SLIT2: variants seen among roughly 807,000 people sequenced by gnomAD.
SLIT2 encodes slit guidance ligand 2, also known as slit homolog 2 protein.
Under a neutral mutation model 185.7 loss-of-function variants are expected in SLIT2, and 41 were observed. The ratio of observed to expected loss-of-function variants is 0.22; its 90% CI spans 0.17 to 0.29. The LOEUF (loss-of-function observed/expected upper bound fraction) is 0.29. Ranked by LOEUF, SLIT2 falls within the 10% of genes least tolerant of loss-of-function variation. SLIT2 has a pLI of 1.00. For synonymous variants in SLIT2, 693 were observed against 680.2 expected, an observed-to-expected ratio of 1.02 and a Z score of -0.29; for missense variants, 1,571 against 1,909.0, an observed-to-expected ratio of 0.82 and a Z score of 3.30.
At chr4:20,282,636 G>C (rs1714885722) in intron 4 of SLIT2, among the ~76,000 whole-genome samples, 1 of 152,226 alleles carries the variant, frequency 6.6e-6, no homozygotes, top group Non-Finnish European at 1.5e-5. Flanking sequence ...CATATCACCT[G>C]TGGTGGCTAC....
intron 4 of SLIT2, among the ~76,000 whole-genome samples, chr4:20,463,875 CA>C (rs555271635): frequency 0.041 from 4,341 of 106,388 alleles, 65 homozygotes; most frequent in African/African-American, 0.064. Flanking sequence ...GACTTTGTCT[CA>C]AAAAAAAAAA....
intron 4 of SLIT2, among the ~76,000 whole-genome samples, chr4:20,419,298 T>C (rs1727968178): frequency 6.6e-6 from 1 of 152,178 alleles, no homozygotes; most frequent in South Asian, 2.1e-4. Context: ...TTTAAATTAT[T>C]TTAATAAAAA....
At chr4:20,410,958 A>G (rs938989320) in intron 4 of SLIT2, among the ~76,000 whole-genome samples, 1 of 152,140 alleles carries the variant, frequency 6.6e-6, no homozygotes, top group Admixed American at 6.6e-5. Context: ...AAGAATGTCA[A>G]TGGTAGTTTA....
chr4:20,512,598 G>A (rs991542530), intron 11 of SLIT2, among the ~76,000 whole-genome samples: 3 of 152,148 alleles, frequency 2.0e-5, no homozygotes, highest in African/African-American at 7.2e-5. Context: ...TAGGTTCAGT[G>A]TAAAACTCAG....
rs182090111 is a variant in SLIT2, at chr4:20,358,774, A to G, written c.395+89893A>G. ...TTAACTTTCTAATTAATGTGAAAAA[A>G]AGACAGTATTTCTGATAGCATATAC... On this transcript the variant is annotated intron_variant, in intron 4 of 36. Transcript: ENST00000504154. 7.0e-4 allele frequency among the ~76,000 whole-genome samples: 106 copies of G among 152,266 alleles called. No individual in the cohort carries two copies. In the Middle Eastern group the frequency reaches 0.01, roughly 15 times the overall value.
chr4:20,402,636 A>G (rs1034380539), intron 4 of SLIT2, among the ~76,000 whole-genome samples: 6 of 151,880 alleles, frequency 4.0e-5, no homozygotes, highest in African/African-American at 1.4e-4. Flanking sequence ...TAACATGTGC[A>G]TTACCCAACT....
chr4:20,486,402 A>G, intron 7 of SLIT2, 131 bp downstream of exon 7: 1 of 597,522 alleles, frequency 1.7e-6, no homozygotes, highest in Non-Finnish European at 3.0e-6. Flanking sequence ...TTTGGAAAAG[A>G]CTAGATATGA....
chr4:20,401,364 A>G (rs1726346679), intron 4 of SLIT2, among the ~76,000 whole-genome samples: 1 of 151,926 alleles, frequency 6.6e-6, no homozygotes, highest in Non-Finnish European at 1.5e-5. Flanking sequence ...CCTCCAAAGC[A>G]AGAGCCAGTT....
chr4:20,378,467 A>G (rs554922547), intron 4 of SLIT2, among the ~76,000 whole-genome samples: 31 of 152,268 alleles, frequency 2.0e-4, no homozygotes, highest in African/African-American at 7.5e-4. Flanking sequence ...AGGATTACTC[A>G]TGGAGTTTCA....
At chr4:20,322,146 C>CT (rs1189660063) in intron 4 of SLIT2, among the ~76,000 whole-genome samples, 1 of 152,160 alleles carries the variant, frequency 6.6e-6, no homozygotes, top group Non-Finnish European at 1.5e-5. Context: ...CCAGAACCTC[C>CT]ATTTCATATG....
chr4:20,562,588 A>G (rs1448290786), intron 26 of SLIT2, among the ~76,000 whole-genome samples: 2 of 151,714 alleles, frequency 1.3e-5, no homozygotes, highest in Admixed American at 6.6e-5. Context: ...CAGGCATTTC[A>G]CTTGTCTTTG....
chr4:20,404,656 T>C (rs560108648), intron 4 of SLIT2, among the ~76,000 whole-genome samples: 1 of 152,124 alleles, frequency 6.6e-6, no homozygotes, highest in South Asian at 2.1e-4. Flanking sequence ...CAAGGGGAAA[T>C]CTTGCCCAGA....
intron 4 of SLIT2, among the ~76,000 whole-genome samples, chr4:20,454,645 G>A (rs1282022759): frequency 1.3e-5 from 2 of 152,132 alleles, no homozygotes; most frequent in African/African-American, 4.8e-5. Flanking sequence ...TAAATTTACA[G>A]GCAGGTTTGC....
rs1049702257 is a variant in SLIT2, at chr4:20,595,536, G to A, written c.3183-161G>A. On this transcript the variant is annotated intron_variant, in intron 30 of 36. Coordinates refer to ENST00000504154, the MANE Select transcript of SLIT2 (RefSeq NM_004787.4). ...ACAGTGATAGAACATGGAACATACT[G>A]CAGAACAGTTCGATTTTCTAGGTAT... is the stretch of plus-strand genomic sequence containing the variant. Among the ~76,000 whole-genome samples the A allele has an allele frequency of 7.3e-5, 11 of 151,184 alleles. No homozygotes were observed. The East Asian group carries it at 9.7e-4, about 13-fold the overall frequency.
At chr4:20,307,534 A>G (rs1717700066) in intron 4 of SLIT2, among the ~76,000 whole-genome samples, 1 of 152,122 alleles carries the variant, frequency 6.6e-6, no homozygotes, top group Non-Finnish European at 1.5e-5. Context: ...TATTGGGATT[A>G]TAGGCATGAG....
chr4:20,401,250 A>T (rs1380084757), intron 4 of SLIT2, among the ~76,000 whole-genome samples: 1 of 151,890 alleles, frequency 6.6e-6, no homozygotes, highest in African/African-American at 2.4e-5. Context: ...TCTTGAAAGA[A>T]CGTTGTCTCT....
chr4:20,612,007 T>C (rs1350400), intron 34 of SLIT2, among the ~76,000 whole-genome samples: 13,014 of 152,206 alleles, frequency 0.086, 676 homozygotes, highest in Admixed American at 0.15. Context: ...GTTCACTTGA[T>C]TTTATTATGT....
intron 4 of SLIT2, among the ~76,000 whole-genome samples, chr4:20,346,659 C>T (rs1160981175): frequency 6.6e-6 from 1 of 152,152 alleles, no homozygotes; most frequent in African/African-American, 2.4e-5. Flanking sequence ...AGCAAGGAAG[C>T]CAGTGGTGGA....
chr4:20,610,265 C>T (rs1264555556), intron 34 of SLIT2, 98 bp downstream of exon 34: 1 of 1,072,938 alleles, frequency 9.3e-7, no homozygotes, highest in Admixed American at 2.5e-5. Context: ...CAGGATTTGT[C>T]ATTGACCAAT....
Sources: gnomAD v4.1 joint callset for allele counts (sites outside exome capture counted in the v4.1 genomes callset) on GRCh38, gnomAD v4.1.1 for gene constraint, MANE v1.5 for transcripts, NCBI Gene and HGNC (gene_info 2026-07-23, HGNC 2026-07-21) for gene names.